EFCAB8: variants seen among roughly 807,000 people sequenced by gnomAD.
EFCAB8 encodes the protein EF-hand calcium binding domain 8.
Under a neutral mutation model 116.3 loss-of-function variants are expected in EFCAB8, and 100 were observed. That is an observed-to-expected ratio of 0.86 (90% CI 0.73 to 1.02). The LOEUF (loss-of-function observed/expected upper bound fraction) is 1.02. Among genes scored for constraint, EFCAB8 ranks in the 50% least tolerant of loss-of-function variants. EFCAB8 has a pLI of 0.00. For synonymous variants in EFCAB8, 558 were observed against 567.9 expected, an observed-to-expected ratio of 0.98 and a Z score of 0.25; for missense variants, 1,320 against 1,416.9, an observed-to-expected ratio of 0.93 and a Z score of 1.10.
intron 15 of EFCAB8, among the ~76,000 whole-genome samples, chr20:32,911,036 C>A (rs1986896718): frequency 6.6e-6 from 1 of 152,188 alleles, no homozygotes; most frequent in Non-Finnish European, 1.5e-5. Context: ...CTGTGCCCAG[C>A]CTTACCTGCT....
intron 1 of EFCAB8, among the ~76,000 whole-genome samples, chr20:32,863,461 A>G (rs1245713334): frequency 6.6e-6 from 1 of 152,202 alleles, no homozygotes; most frequent in Non-Finnish European, 1.5e-5. Context: ...CTTCTGTAGA[A>G]AGTGTGATCC....
chr20:32,920,028 G>A lies in EFCAB8; in HGVS notation c.2275-50G>A, dbSNP rs1198336687. 1.9e-6 allele frequency: 3 copies of A among 1,551,268 alleles called. No individual in the cohort carries two copies. In the South Asian group the frequency reaches 3.6e-5, roughly 18 times the overall value. On this transcript the variant is annotated intron_variant, in intron 19 of 26. Transcript: ENST00000400522. The stretch of plus-strand genomic sequence containing the variant: ...TTCCTCTGGTCTCTGGTCCCCTATG[G>A]GGAAGGGAAACACCCTCATGGTGAC...
chr20:32,860,440 G>A (rs1600348741), intron 1 of EFCAB8, among the ~76,000 whole-genome samples: 1 of 150,692 alleles, frequency 6.6e-6, no homozygotes, highest in East Asian at 1.9e-4. Flanking sequence ...TGCATGTATC[G>A]GATCAGGAGG....
intron 10 of EFCAB8, among the ~76,000 whole-genome samples, chr20:32,897,990 G>A (rs1360068828): frequency 6.6e-6 from 1 of 152,210 alleles, no homozygotes; most frequent in African/African-American, 2.4e-5. Flanking sequence ...TCAGAGCCCA[G>A]CCAGCCCCTT....
At chr20:32,908,991 T>C (rs1986802640) in intron 14 of EFCAB8, among the ~76,000 whole-genome samples, 1 of 151,982 alleles carries the variant, frequency 6.6e-6, no homozygotes, top group Non-Finnish European at 1.5e-5. Flanking sequence ...CTGTGGAGGA[T>C]GGGGGTAAGG....
At chr20:32,903,409 A>G (rs1986526415) in intron 11 of EFCAB8, 1 of 152,210 alleles carries the variant, frequency 6.6e-6, no homozygotes, top group East Asian at 1.9e-4. Flanking sequence ...GTAAATGTCC[A>G]TCTCCCTTCT....
rs550869196 is a variant in EFCAB8, at chr20:32,931,299, C to A, written c.2753C>A (p.Thr918Asn). 1.9e-6 allele frequency: 3 copies of A among 1,550,936 alleles called. No homozygotes were observed. In the South Asian group the frequency reaches 3.6e-5, roughly 18 times the overall value. The change falls in exon 22 of 27, where the codon ACC becomes AAC. Residue 918 changes from threonine (T) to asparagine (N), a missense_variant. Physicochemically the swap from Thr to Asn is moderately conservative, Grantham distance 65. Transcript: ENST00000400522. ...TTGTTAATTCCTCAGCAACTTGGGA[C>A]CAACTTCCCACACTACATTCCCTTG... ...FRLLIPQQLG[T>N]NFPHYIPLED...
In EFCAB8 at chr20:32,890,000, TAAAA is replaced by T. The variant is rs35488921; in HGVS notation, c.673+610_673+613del. ...TGGGCGACAGAGAGAGACTCAGTCT[TAAAA>T]AAAAAAAAAAAAAAAGCCTCTCCTG... On this transcript the variant is annotated intron_variant, in intron 7 of 26. Coordinates refer to ENST00000400522, the MANE Select transcript of EFCAB8 (RefSeq NM_001143967.2). 1.5e-4 allele frequency among the ~76,000 whole-genome samples: 17 copies of T among 113,484 alleles called. No homozygotes were observed. In the East Asian group the frequency reaches 3.3e-3, roughly 22 times the overall value. The allele number at this position is 113,484 out of a possible 152,430, so 74.4% of individuals were successfully genotyped here. A position where few individuals can be genotyped will look rare whatever the true frequency, so the allele number is the denominator to read the frequency against.
At chr20:32,904,208 G>A (rs894960527) in intron 11 of EFCAB8, among the ~76,000 whole-genome samples, 1 of 151,342 alleles carries the variant, frequency 6.6e-6, no homozygotes, top group African/African-American at 2.4e-5. Flanking sequence ...GCCCAGGCTG[G>A]TCTTGAACTC....
intron 4 of EFCAB8, among the ~76,000 whole-genome samples, chr20:32,876,973 AAAAAC>A (rs553975426): frequency 3.3e-5 from 5 of 152,092 alleles, no homozygotes; most frequent in Non-Finnish European, 7.4e-5. Context: ...GTCTCAGGAA[AAAAAC>A]AAAACAAAAC....
intron 26 of EFCAB8, among the ~76,000 whole-genome samples, chr20:32,960,594 A>T (rs569797294): frequency 6.6e-6 from 1 of 152,250 alleles, no homozygotes; most frequent in African/African-American, 2.4e-5. Flanking sequence ...GTGGCTCTCC[A>T]TCAGGGACAG....
Position 32,930,447 on chromosome 20 carries a change from T to C in EFCAB8, c.2462T>C (p.Leu821Pro). ...CGCCTGCCGCACACGGCTGCCCTGCTGAGCAGCTGCATGGACGGCTACATC... is the reference window on the plus strand; with the variant it reads ...CGCCTGCCGCACACGGCTGCCCTGCCGAGCAGCTGCATGGACGGCTACATC... ...RPRLPHTAAL[L>P]SSCMDGYIYA... The change falls in exon 21 of 27, where the codon CTG (leucine) becomes CCG (proline). Residue 821 changes from leucine to proline, a missense_variant. Transcript: ENST00000400522. 1 of 1,551,820 alleles carries C rather than the reference T, an allele frequency of 6.4e-7. No homozygotes were observed.
rs1004232497 is a variant in EFCAB8 at position 32,961,348 on chromosome 20, G to A, written c.3606G>A (p.Leu1202=). 1.8e-5 allele frequency: 27 copies of A among 1,477,286 alleles called. No homozygotes were observed. In the East Asian group the frequency reaches 5.0e-4, roughly 27 times the overall value. 91.5% of individuals were successfully genotyped at this position (1,477,286 alleles called of 1,614,324 possible). A position where few individuals can be genotyped will look rare whatever the true frequency, so the allele number is the denominator to read the frequency against. The change falls in exon 27 of 27, where the codon TTG becomes TTA. Residue 1202 remains leucine (L), a synonymous_variant. Transcript: ENST00000400522. The stretch of plus-strand genomic sequence containing the variant: ...CGGCCGCCTCCTCCCCATCTTCCTT[G>A]TTATCTGTCACTGCCTCAGCCTCCA... ...TPAAASSPSS[L]LSVTASASRL... is the part of the protein sequence containing the mutation.
At chr20:32,932,656 C>T (rs1226929119) in intron 22 of EFCAB8, among the ~76,000 whole-genome samples, 1 of 152,146 alleles carries the variant, frequency 6.6e-6, no homozygotes, top group Non-Finnish European at 1.5e-5. Context: ...GCTTTTCTTG[C>T]TGTATGATAT....
In EFCAB8 at chr20:32,875,956, T is replaced by C. The variant is rs1218314114; in HGVS notation, c.239T>C (p.Met80Thr). 5 of 1,551,852 alleles carry C rather than the reference T, an allele frequency of 3.2e-6. No individual in the cohort carries two copies. In the South Asian group the frequency reaches 3.6e-5, roughly 11 times the overall value. The change falls in exon 4 of 27, where the codon ATG becomes ACG. Residue 80 changes from methionine to threonine, a missense_variant. Physicochemically the swap from Met to Thr is moderately conservative, Grantham distance 81. Coordinates refer to ENST00000400522, the MANE Select transcript of EFCAB8 (RefSeq NM_001143967.2). ...GGCATGGACGCCTTCATCAAGGCCA[T>C]GAAGAAGGTTCTGAGCAGTGTGTCG... is the stretch of plus-strand genomic sequence containing the variant. ...ALGMDAFIKAMKKVLSSVSDE... is the reference protein window; with the variant it reads ...ALGMDAFIKATKKVLSSVSDE...
rs542202747 is a variant in EFCAB8, at chr20:32,960,754, C to T, written c.3394-382C>T. On this transcript the variant is annotated intron_variant, in intron 26 of 26. Transcript: ENST00000400522. ...AAATGAGATAACACCGAAGGCCATG[C>T]CCCTGCAGGGCCCCCCTGTCTCGGG... 3.9e-5 allele frequency among the ~76,000 whole-genome samples: 6 copies of T among 152,348 alleles called. No homozygotes were observed. The South Asian group carries it at 1.2e-3, about 32-fold the overall frequency.
intron 11 of EFCAB8, 24 bp from the exon 12 acceptor site, chr20:32,906,538 G>A: frequency 1.4e-6 from 1 of 718,374 alleles, no homozygotes. Context: ...CGGCCCTGCA[G>A]CCCTCACTCC....
In EFCAB8 at chr20:32,867,687, A is replaced by G. The variant is rs954092192; in HGVS notation, c.148A>G (p.Thr50Ala). Reference sequence around the variant, plus strand: ...CCTCCAGCCTGGGTCCCAGCTGTTTACTGAGATACACCTGGCCAAGATAGA... The same window carrying G: ...CCTCCAGCCTGGGTCCCAGCTGTTTGCTGAGATACACCTGGCCAAGATAGA... ...PDLQPGSQLF[T>A]EIHLAKIEKM... Residue 50 changes from threonine (T) to alanine (A), a missense_variant, in exon 3 of 27, where the codon ACT becomes GCT. Transcript: ENST00000400522. 3.2e-6 allele frequency: 5 copies of G among 1,551,644 alleles called. No individual in the cohort carries two copies. The highest frequency in any genetic ancestry group is 4.4e-6 in the Non-Finnish European group (5 of 1,146,984).
At chr20:32,919,293 C>T (rs192401966) in intron 19 of EFCAB8, among the ~76,000 whole-genome samples, 16 of 152,164 alleles carry the variant, frequency 1.1e-4, no homozygotes, top group Admixed American at 7.2e-4. Context: ...GAAACACCAC[C>T]GTCCCCAAAC....
Sources: allele counts gnomAD v4.1 joint callset (sites outside exome capture counted in the v4.1 genomes callset), GRCh38; gene constraint gnomAD v4.1.1; transcripts MANE v1.5; gene names NCBI Gene and HGNC (gene_info 2026-07-23, HGNC 2026-07-21).